ARHGAP6: variants seen among roughly 807,000 people sequenced by gnomAD.
The protein encoded by ARHGAP6 is Rho GTPase activating protein 6.
In ARHGAP6, 16 loss-of-function variants were observed where a neutral mutation model predicts 55.7. That is an observed-to-expected ratio of 0.29 (90% CI 0.19 to 0.44). The LOEUF (loss-of-function observed/expected upper bound fraction) is 0.44, where lower values mean the gene tolerates loss of function less well. Ranked by LOEUF, ARHGAP6 falls within the 20% of genes least tolerant of loss-of-function variation. The probability of loss-of-function intolerance (pLI) is 1.00; values close to 1 mark genes in which losing one functional copy is unlikely to be tolerated. For missense variants in ARHGAP6, 698 were observed against 808.9 expected (o/e 0.86, Z 1.66); for synonymous variants, 382 against 360.9 (o/e 1.06, Z -0.66).
intron 1 of ARHGAP6, among the ~76,000 whole-genome samples, chrX:11,525,973 G>A (rs933023045): frequency 9.0e-6 from 1 of 111,667 alleles, no homozygotes; most frequent in Non-Finnish European, 1.9e-5. Context: ...GTAACAGAGA[G>A]CTAATCTTTT....
intron 1 of ARHGAP6, among the ~76,000 whole-genome samples, chrX:11,394,601 G>A (rs2049453780): frequency 9.0e-6 from 1 of 111,638 alleles, no homozygotes; most frequent in African/African-American, 3.3e-5. Context: ...GCAAGTGAAG[G>A]ATTAAAATTA....
chrX:11,278,453 G>A (rs1057280612), intron 1 of ARHGAP6, among the ~76,000 whole-genome samples: 1 of 111,544 alleles, frequency 9.0e-6, no homozygotes, highest in Non-Finnish European at 1.9e-5. Context: ...AGTGTGGGTG[G>A]TTTTAGAGCC....
At chrX:11,392,641 C>T (rs190752421) in intron 1 of ARHGAP6, among the ~76,000 whole-genome samples, 5 of 111,835 alleles carry the variant, frequency 4.5e-5, no homozygotes, top group African/African-American at 1.6e-4. Flanking sequence ...CTATGAAAAA[C>T]TCATAGGGTG....
chrX:11,411,183 TTATA>T (rs201875323), intron 1 of ARHGAP6, among the ~76,000 whole-genome samples: 1,891 of 31,725 alleles, frequency 0.06, 55 homozygotes, highest in South Asian at 0.1. Context: ...CAGACATTAT[TTATA>T]TATATATATA....
At chrX:11,438,413 T>A (rs1190448313) in intron 1 of ARHGAP6, among the ~76,000 whole-genome samples, 3 of 112,735 alleles carry the variant, frequency 2.7e-5, no homozygotes, top group Non-Finnish European at 5.6e-5. Flanking sequence ...GTGAGCTCAT[T>A]AGTTGATTAA....
chrX:11,259,236 C>T (rs372913227), intron 1 of ARHGAP6, among the ~76,000 whole-genome samples: 5 of 111,817 alleles, frequency 4.5e-5, no homozygotes, highest in Non-Finnish European at 7.5e-5. Context: ...TAAGAACATG[C>T]GATGTTTGTC....
intron 6 of ARHGAP6, among the ~76,000 whole-genome samples, chrX:11,180,111 A>G (rs931156505): frequency 1.8e-5 from 2 of 111,231 alleles, no homozygotes; most frequent in African/African-American, 6.5e-5. Context: ...GCTGTCTTAG[A>G]TTTGTCAAAG....
chrX:11,449,438 T>A (rs903152384), intron 1 of ARHGAP6, among the ~76,000 whole-genome samples: 2 of 111,800 alleles, frequency 1.8e-5, no homozygotes, highest in Non-Finnish European at 3.8e-5. Flanking sequence ...CAGGAATGCA[T>A]CCCAGCTTTT....
chrX:11,350,395 C>G (rs187803437), intron 1 of ARHGAP6, among the ~76,000 whole-genome samples: 2 of 112,317 alleles, frequency 1.8e-5, no homozygotes, highest in Admixed American at 1.9e-4. Flanking sequence ...TCTTGGCAAA[C>G]CAAACTCCAG....
chrX:11,573,507 G>T (rs200589582), intron 1 of ARHGAP6, among the ~76,000 whole-genome samples: 2 of 107,091 alleles, frequency 1.9e-5, no homozygotes, highest in African/African-American at 6.8e-5. Context: ...GATATGCGGC[G>T]TTATTTCTGA....
intron 1 of ARHGAP6, among the ~76,000 whole-genome samples, chrX:11,636,061 G>A (rs780377376): frequency 2.7e-5 from 3 of 111,790 alleles, no homozygotes; most frequent in Admixed American, 9.5e-5. Flanking sequence ...CATCTGGGCC[G>A]TCAAAAGTGG....
At chrX:11,363,306 C>G (rs765289144) in intron 1 of ARHGAP6, among the ~76,000 whole-genome samples, 1 of 112,265 alleles carries the variant, frequency 8.9e-6, no homozygotes, top group East Asian at 2.8e-4. Flanking sequence ...AGCACACAAA[C>G]ACACATTTGG....
intron 2 of ARHGAP6, among the ~76,000 whole-genome samples, chrX:11,209,884 T>A (rs1159558123): frequency 8.9e-6 from 1 of 111,854 alleles, no homozygotes; most frequent in Non-Finnish European, 1.9e-5. Flanking sequence ...ATGGCCAACT[T>A]AAATGGAAAG....
intron 4 of ARHGAP6, among the ~76,000 whole-genome samples, chrX:11,188,308 A>G (rs775276250): frequency 8.9e-6 from 1 of 112,302 alleles, no homozygotes; most frequent in Non-Finnish European, 1.9e-5. Context: ...CTCATTGTTT[A>G]TGAAGACCCA....
intron 1 of ARHGAP6, among the ~76,000 whole-genome samples, chrX:11,520,178 T>TATATATATATATATA (rs1491472649): frequency 1.1e-4 from 8 of 75,778 alleles, no homozygotes; most frequent in Non-Finnish European, 1.5e-4. Context: ...TATATATATA[T>TATATATATATATATA]TACTTTAAGT....
At position 11,151,374 on chromosome X, in the gene ARHGAP6, C is replaced by T. The variant is rs748747899; in HGVS notation, c.1907+5155G>A. 7.3e-5 allele frequency among the ~76,000 whole-genome samples: 8 copies of T among 109,946 alleles called. No homozygotes were observed. The South Asian group carries it at 3.2e-3, about 44-fold the overall frequency. ...CAAAACCCCGGGCTCAGGTGATCCT[C>T]CTGCCTCATCCTCCCGAGTAGCTGG... On this transcript the variant is annotated intron_variant, in intron 10 of 12. Coordinates refer to ENST00000337414, the MANE Select transcript of ARHGAP6 (RefSeq NM_013427.3).
intron 1 of ARHGAP6, among the ~76,000 whole-genome samples, chrX:11,551,078 G>A (rs1601636361): frequency 8.9e-6 from 1 of 111,891 alleles, no homozygotes; most frequent in African/African-American, 3.2e-5. Flanking sequence ...GGAACTGGAG[G>A]AGTGGTTAGA....
chrX:11,372,771 CAAAAAAAAAAAA>C (rs1171647934), intron 1 of ARHGAP6, among the ~76,000 whole-genome samples: 1 of 14,359 alleles, frequency 7.0e-5, no homozygotes, highest in Non-Finnish European at 1.2e-4. Flanking sequence ...GACTCCATCT[CAAAAAAAAAAAA>C]AAAAAAAAAA....
At chrX:11,328,218 C>A (rs747092501) in intron 1 of ARHGAP6, among the ~76,000 whole-genome samples, 1 of 112,011 alleles carries the variant, frequency 8.9e-6, no homozygotes, top group African/African-American at 3.3e-5. Context: ...CATACATCTC[C>A]AAACATCTGA....
Sources: allele counts gnomAD v4.1 joint callset (sites outside exome capture counted in the v4.1 genomes callset), GRCh38; gene constraint gnomAD v4.1.1; transcripts MANE v1.5; gene names NCBI Gene and HGNC (gene_info 2026-07-23, HGNC 2026-07-21).